Variants in MAPKAP1 observed in about 807,000 individuals in gnomAD.
The protein encoded by MAPKAP1 is target of rapamycin complex 2 subunit MAPKAP1.
A neutral mutation model predicts 65.7 loss-of-function variants in MAPKAP1; 20 were observed. The observed-to-expected ratio is 0.30, with a 90% CI of 0.21 to 0.44. The LOEUF (loss-of-function observed/expected upper bound fraction) is 0.44, where lower values mean the gene tolerates loss of function less well. Among genes scored for constraint, MAPKAP1 ranks in the 20% least tolerant of loss-of-function variants. The probability of loss-of-function intolerance (pLI) is 1.00; values close to 1 mark genes in which losing one functional copy is unlikely to be tolerated. For missense variants in MAPKAP1, 423 were observed against 648.0 expected (o/e 0.65, Z 3.77); for synonymous variants, 222 against 244.3 (o/e 0.91, Z 0.85).
intron 5 of MAPKAP1, among the ~76,000 whole-genome samples, chr9:125,560,070 G>A (rs778267630): frequency 1.3e-5 from 2 of 152,098 alleles, no homozygotes; most frequent in African/African-American, 4.8e-5. Context: ...TTGCAGCTAC[G>A]ACAAAGAACC....
At chr9:125,645,684 C>G (rs933919059) in intron 4 of MAPKAP1, among the ~76,000 whole-genome samples, 2 of 150,250 alleles carry the variant, frequency 1.3e-5, no homozygotes, top group African/African-American at 4.9e-5. Context: ...TTGCAGTGAG[C>G]CAAGATCGCA....
intron 5 of MAPKAP1, among the ~76,000 whole-genome samples, chr9:125,577,788 G>A (rs1383840897): frequency 6.5e-5 from 9 of 137,510 alleles, no homozygotes; most frequent in African/African-American, 2.5e-4. Context: ...CGGGCCAGCC[G>A]CCCCGTCCAG....
chr9:125,658,025 G>A (rs897578985), intron 3 of MAPKAP1, among the ~76,000 whole-genome samples: 36 of 152,260 alleles, frequency 2.4e-4, no homozygotes, highest in African/African-American at 8.2e-4. Flanking sequence ...TTAAGGGAGG[G>A]GGAAGAATCA....
At chr9:125,569,743 C>G (rs1031790327) in intron 5 of MAPKAP1, among the ~76,000 whole-genome samples, 2 of 152,208 alleles carry the variant, frequency 1.3e-5, no homozygotes, top group Admixed American at 1.3e-4. Flanking sequence ...AACTTAAAAA[C>G]TGGCAAATGA....
intron 4 of MAPKAP1, among the ~76,000 whole-genome samples, chr9:125,644,341 A>T (rs1161485595): frequency 6.6e-6 from 1 of 152,208 alleles, no homozygotes; most frequent in Non-Finnish European, 1.5e-5. Context: ...CATCTATCGT[A>T]GTAGTAAGAG....
Position 125,520,641 on chromosome 9 carries a change from A to G in MAPKAP1, c.959-14224T>C, listed in dbSNP as rs116347928. ...CTACATATATGCAAGTTGAGAATGG[A>G]GAGCACATTTCAGCGTCCCTACATT... On this transcript the variant is annotated intron_variant, in intron 7 of 11. Transcript: ENST00000265960. Among the ~76,000 whole-genome samples, 1,127 of 152,352 alleles carry G rather than the reference A, an allele frequency of 7.4e-3. 19 individuals are homozygous for G. Among genetic ancestry groups the G allele is most frequent in the African/African-American group, 0.025 (1,050 of 41,586 alleles).
intron 10 of MAPKAP1, among the ~76,000 whole-genome samples, chr9:125,458,094 C>G (rs1853261726): frequency 6.6e-6 from 1 of 152,138 alleles, no homozygotes. Flanking sequence ...GGATCACAGT[C>G]CTGAACTGCA....
In MAPKAP1 at chr9:125,444,501, C is replaced by T. The variant is rs1852624843; in HGVS notation, c.1443G>A (p.Lys481=). 6.2e-7 allele frequency: 1 copy of T among 1,610,176 alleles called. No homozygotes were observed. Among genetic ancestry groups the T allele is most frequent in the Admixed American group, 1.7e-5 (1 of 59,646 alleles). Residue 481 remains lysine (K), a splice_region_variant and synonymous_variant, in exon 11 of 12, where the codon AAG becomes AAA. Coordinates refer to ENST00000265960, the MANE Select transcript of MAPKAP1 (RefSeq NM_001006617.3). ...DAATVNEIVL[K]VNYILESRAS... ...CTCTGGTTCAAGAAGGAATACTCAC[C>T]TTGAGCACAATTTCATTGACGGTAG... is the stretch of plus-strand genomic sequence containing the variant.
intron 9 of MAPKAP1, among the ~76,000 whole-genome samples, chr9:125,477,700 T>C (rs1339296261): frequency 1.3e-5 from 2 of 152,184 alleles, no homozygotes; most frequent in Admixed American, 6.5e-5. Flanking sequence ...TTATTGATAA[T>C]ATACTGTGGG....
At chr9:125,561,160 A>G (rs1417302334) in intron 5 of MAPKAP1, among the ~76,000 whole-genome samples, 1 of 152,184 alleles carries the variant, frequency 6.6e-6, no homozygotes, top group Non-Finnish European at 1.5e-5. Context: ...ATCTATATAG[A>G]TCATTTTTTG....
chr9:125,594,041 C>A (rs952769961), intron 4 of MAPKAP1, among the ~76,000 whole-genome samples: 1 of 152,260 alleles, frequency 6.6e-6, no homozygotes, highest in African/African-American at 2.4e-5. Flanking sequence ...CTGTCTCACA[C>A]TCTACCATCC....
chr9:125,639,228 G>C (rs979357936), intron 4 of MAPKAP1, among the ~76,000 whole-genome samples: 2 of 152,228 alleles, frequency 1.3e-5, no homozygotes, highest in African/African-American at 2.4e-5. Context: ...GCAACACAGA[G>C]AGACTCCATC....
chr9:125,674,268 A>G (rs1407413060), intron 1 of MAPKAP1, among the ~76,000 whole-genome samples: 2 of 152,228 alleles, frequency 1.3e-5, no homozygotes, highest in Non-Finnish European at 2.9e-5. Context: ...AGCTATTAAT[A>G]ATAATGATAA....
chr9:125,460,985 T>C (rs1853472347), intron 10 of MAPKAP1, among the ~76,000 whole-genome samples: 1 of 152,234 alleles, frequency 6.6e-6, no homozygotes, highest in South Asian at 2.1e-4. Context: ...AAGTCAGATG[T>C]CAGCTCATGA....
intron 6 of MAPKAP1, among the ~76,000 whole-genome samples, chr9:125,556,645 A>C (rs1212534754): frequency 1.3e-5 from 2 of 151,992 alleles, no homozygotes; most frequent in Non-Finnish European, 2.9e-5. Context: ...TCCCTCCTCT[A>C]CTGGGAGACA....
chr9:125,444,136 A>C (rs1392522145), intron 11 of MAPKAP1, among the ~76,000 whole-genome samples: 2 of 152,242 alleles, frequency 1.3e-5, no homozygotes, highest in East Asian at 3.8e-4. Context: ...AACAATAATA[A>C]TTTCCTCAGA....
intron 8 of MAPKAP1, among the ~76,000 whole-genome samples, chr9:125,494,468 G>A (rs1854862747): frequency 6.6e-6 from 1 of 152,162 alleles, no homozygotes; most frequent in African/African-American, 2.4e-5. Context: ...CAGCCAGGCT[G>A]GAGGACTTTC....
intron 3 of MAPKAP1, among the ~76,000 whole-genome samples, chr9:125,665,321 CA>C (rs1307485711): frequency 6.6e-6 from 1 of 151,966 alleles, no homozygotes. Flanking sequence ...CAAAAACAAA[CA>C]AACAAAAAAG....
chr9:125,521,303 T>C (rs75242676), intron 7 of MAPKAP1, among the ~76,000 whole-genome samples: 3 of 151,882 alleles, frequency 2.0e-5, no homozygotes, highest in African/African-American at 2.4e-5. Context: ...AATTTTTTTT[T>C]CTCCTTGAAA....
Sources: allele counts gnomAD v4.1 joint callset (sites outside exome capture counted in the v4.1 genomes callset), GRCh38; gene constraint gnomAD v4.1.1; transcripts MANE v1.5; gene names NCBI Gene and HGNC (gene_info 2026-07-23, HGNC 2026-07-21).